ZIM2: variants seen among roughly 807,000 people sequenced by gnomAD.
The protein encoded by ZIM2 is zinc finger imprinted 2.
In ZIM2, 14 loss-of-function variants were observed where a neutral mutation model predicts 38.6. The ratio of observed to expected loss-of-function variants is 0.36; its 90% CI spans 0.24 to 0.57. The LOEUF (loss-of-function observed/expected upper bound fraction) is 0.57. Ranked by LOEUF, ZIM2 falls within the 20% of genes least tolerant of loss-of-function variation. The pLI is 0.81. For synonymous variants in ZIM2, 247 were observed against 245.8 expected (o/e 1.00, Z -0.04); for missense variants, 680 against 695.1 (o/e 0.98, Z 0.24).
At chr19:56,795,473 G>A (rs1001408877) in intron 9 of ZIM2, among the ~76,000 whole-genome samples, 4 of 152,228 alleles carry the variant, frequency 2.6e-5, no homozygotes, top group East Asian at 1.9e-4. Context: ...TACCTCGCAC[G>A]CCTCACGCCC....
At chr19:56,840,058 C>T (rs886347498) in intron 1 of ZIM2, among the ~76,000 whole-genome samples, 2 of 152,226 alleles carry the variant, frequency 1.3e-5, no homozygotes, top group Admixed American at 6.5e-5. Flanking sequence ...CCGGGCACGC[C>T]GGCGCCGCGA....
At chr19:56,824,561 T>G (rs1214964600) in intron 3 of ZIM2, 134 bp from the exon 4 acceptor site, 1 of 1,614,172 alleles carries the variant, frequency 6.2e-7, no homozygotes, top group Non-Finnish European at 8.5e-7. Flanking sequence ...TATGATGACA[T>G]CCGGCTCCTT....
chr19:56,795,452 C>T lies in ZIM2; in HGVS notation c.491-5501G>A, dbSNP rs374605052. 2.0e-5 allele frequency among the ~76,000 whole-genome samples: 3 copies of T among 152,222 alleles called. No homozygotes were observed. The East Asian group carries it at 5.8e-4, about 29-fold the overall frequency. Reference sequence around the variant, plus strand: ...TCGCCGGCCGCTATCCTACCCCGGGCCCAGCGAACTTACCTCGCACGCCTC... The same window carrying T: ...TCGCCGGCCGCTATCCTACCCCGGGTCCAGCGAACTTACCTCGCACGCCTC... On this transcript the variant is annotated intron_variant, in intron 9 of 12. Coordinates refer to ENST00000629319, the MANE Select transcript of ZIM2 (RefSeq NM_001387356.1).
At position 56,782,056 on chromosome 19, in the gene ZIM2, C is replaced by T. The variant is rs1436092264; in HGVS notation, c.636G>A (p.Val212=). 1 of 1,614,030 alleles carries T rather than the reference C, an allele frequency of 6.2e-7. No individual in the cohort carries two copies. The highest frequency in any genetic ancestry group is 1.6e-4 in the Middle Eastern group (1 of 6,062). The change falls in exon 11 of 13, where the codon GTG becomes GTA. Residue 212 remains valine (V), a synonymous_variant. Transcript: ENST00000629319. The part of the protein sequence containing the change: ...VFEELVTFED[V]LVDFSPEELS... ...GTTCCTCTGGGCTGAAGTCCACAAGCACATCCTCGAAGGTCACCAACTCCT... is the reference window on the plus strand; with the variant it reads ...GTTCCTCTGGGCTGAAGTCCACAAGTACATCCTCGAAGGTCACCAACTCCT...
intron 1 of ZIM2, among the ~76,000 whole-genome samples, chr19:56,838,815 C>A (rs1429091211): frequency 6.6e-6 from 1 of 152,222 alleles, no homozygotes; most frequent in African/African-American, 2.4e-5. Context: ...CTTTCCATCA[C>A]CGCAAGGCAG....
chr19:56,781,996 G>A lies in ZIM2; in HGVS notation c.696C>T (p.Tyr232=). The part of the protein sequence containing the change: ...SSLSAAQRNL[Y]REVMLENYRN... ...GGTAATTCTCCAGCATCACCTCCCT[G>A]TAGAGGTTTCTCTGAGCAGCACTAA... Residue 232 remains tyrosine (Y), a synonymous_variant, in exon 11 of 13, where the codon TAC becomes TAT. Coordinates refer to ENST00000629319, the MANE Select transcript of ZIM2 (RefSeq NM_001387356.1). 1.9e-6 allele frequency: 3 copies of A among 1,613,922 alleles called. No homozygotes were observed. Among genetic ancestry groups the A allele is most frequent in the Non-Finnish European group, 1.7e-6 (2 of 1,179,898 alleles).
At chr19:56,830,671 G>C (rs2061489713) in intron 2 of ZIM2, among the ~76,000 whole-genome samples, 1 of 152,152 alleles carries the variant, frequency 6.6e-6, no homozygotes, top group Non-Finnish European at 1.5e-5. Flanking sequence ...AATACAGCAA[G>C]AGAAATAATT....
intron 1 of ZIM2, among the ~76,000 whole-genome samples, chr19:56,839,690 G>T (rs2062739624): frequency 6.6e-6 from 1 of 152,114 alleles, no homozygotes; most frequent in Admixed American, 6.5e-5. Flanking sequence ...AATGGGTGGG[G>T]CTGGAACAGA....
intron 9 of ZIM2, among the ~76,000 whole-genome samples, chr19:56,795,405 G>A (rs553374216): frequency 2.0e-5 from 3 of 152,210 alleles, no homozygotes; most frequent in Non-Finnish European, 4.4e-5. Context: ...GCCCCGCCCA[G>A]GCCCCTGGCT....
intron 4 of ZIM2, 119 bp downstream of exon 4, chr19:56,824,143 C>T: frequency 1.4e-6 from 2 of 1,476,106 alleles, no homozygotes; most frequent in Non-Finnish European, 1.8e-6. Context: ...AGGACATCCC[C>T]ACCGCTGCCC....
At chr19:56,806,943 A>G (rs2047786951) in intron 9 of ZIM2, among the ~76,000 whole-genome samples, 2 of 152,222 alleles carry the variant, frequency 1.3e-5, no homozygotes, top group Admixed American at 1.3e-4. Flanking sequence ...TGTGAGCAGT[A>G]AATTTCTGTT....
intron 9 of ZIM2, chr19:56,810,386 CA>C: frequency 1.0e-6 from 1 of 985,358 alleles, no homozygotes; most frequent in South Asian, 4.7e-5. Flanking sequence ...CCACAACAAC[CA>C]CACAACTATT....
chr19:56,795,341 G>GCGCGCTGCCC, intron 9 of ZIM2, among the ~76,000 whole-genome samples: 1 of 152,314 alleles, frequency 6.6e-6, no homozygotes, highest in South Asian at 2.1e-4. Context: ...TCACGAAGCC[G>GCGCGCTGCCC]CGCGCTGCCC....
intron 9 of ZIM2, among the ~76,000 whole-genome samples, chr19:56,792,024 G>GTT (rs36087082): frequency 0.22 from 28,976 of 134,382 alleles, 3,716 homozygotes; most frequent in Non-Finnish European, 0.3. Context: ...AATCCCAGGA[G>GTT]TTTTTTTTTT....
At chr19:56,795,428 C>T (rs540146396) in intron 9 of ZIM2, among the ~76,000 whole-genome samples, 1 of 152,346 alleles carries the variant, frequency 6.6e-6, no homozygotes, top group East Asian at 1.9e-4. Flanking sequence ...GCTACCCGCT[C>T]GCCGGCCGCT....
chr19:56,826,245 G>A (rs1457711757), intron 3 of ZIM2, 143 bp downstream of exon 3: 2 of 152,222 alleles, frequency 1.3e-5, no homozygotes, highest in African/African-American at 2.4e-5. Flanking sequence ...CAAGAGCAGA[G>A]GTCTGTGCCT....
chr19:56,824,372 AG>A lies in ZIM2; in HGVS notation c.-96del. ...CTTGAGCTTTTCAGGGATGATGGTC[AG>A]GTACTGCTCAAGGACCAAGAGCTCG... On this transcript the variant is annotated 5_prime_UTR_variant, in exon 4 of 13. Transcript: ENST00000629319. 6.2e-7 allele frequency: 1 copy of A among 1,614,156 alleles called. No homozygotes were observed. Among genetic ancestry groups the A allele is most frequent in the Non-Finnish European group, 8.5e-7 (1 of 1,180,032 alleles).
rs776638308 is a variant in ZIM2 at position 56,816,172 on chromosome 19, T to C, written c.490+1574A>G. The C allele has an allele frequency of 9.9e-6, 16 of 1,614,110 alleles. No homozygotes were observed. The highest frequency in any genetic ancestry group is 8.9e-5 in the East Asian group (4 of 44,894). ...CTTAGTGGGAATCTTCTGGTTTTCATAGGGGTTAGAGCTAATGGTGAACGC... is the reference window on the plus strand; with the variant it reads ...CTTAGTGGGAATCTTCTGGTTTTCACAGGGGTTAGAGCTAATGGTGAACGC... On this transcript the variant is annotated intron_variant, in intron 9 of 12. Coordinates refer to ENST00000629319, the MANE Select transcript of ZIM2 (RefSeq NM_001387356.1).
intron 2 of ZIM2, among the ~76,000 whole-genome samples, chr19:56,830,133 C>A (rs1178919868): frequency 6.6e-6 from 1 of 152,196 alleles, no homozygotes; most frequent in Non-Finnish European, 1.5e-5. Context: ...TGTATTTATA[C>A]CCTACCGCAA....
Sources: allele counts gnomAD v4.1 joint callset (sites outside exome capture counted in the v4.1 genomes callset), GRCh38; gene constraint gnomAD v4.1.1; transcripts MANE v1.5; gene names NCBI Gene and HGNC (gene_info 2026-07-23, HGNC 2026-07-21).